The following CEP295 variants were observed in gnomAD, a reference collection of about 807,000 sequenced individuals.
CEP295 encodes centrosomal protein 295, also known as centrosomal protein of 295 kDa.
CEP295 carries 190 observed loss-of-function variants against 291.6 expected under a neutral mutation model. That is an observed-to-expected ratio of 0.65 (90% CI 0.58 to 0.73). The LOEUF is 0.73. Among genes scored for constraint, CEP295 ranks in the 30% least tolerant of loss-of-function variants. The pLI is 0.00. For synonymous variants in CEP295, 993 were observed against 1,038.8 expected, an observed-to-expected ratio of 0.96 and a Z score of 0.85; for missense variants, 2,863 against 2,949.4, an observed-to-expected ratio of 0.97 and a Z score of 0.68.
Position 93,698,265 on chromosome 11 carries a change from C to G in CEP295, c.3353C>G (p.Ala1118Gly). ...GTTGCTTCACAAGCTTCTGCTAAAG[C>G]TGAGCCTAGGAGAATTCAGGAGCTT... ...HSVASQASAK[A>G]EPRRIQELYL... The change falls in exon 15 of 30, where the codon GCT becomes GGT. Residue 1118 changes from alanine (A) to glycine (G), a missense_variant. By Grantham distance (60) the Ala-to-Gly change is moderately conservative. Transcript: ENST00000325212. 6.4e-7 allele frequency: 1 copy of G among 1,551,802 alleles called. No homozygotes were observed. Among genetic ancestry groups the G allele is most frequent in the South Asian group, 1.2e-5 (1 of 84,060 alleles).
intron 13 of CEP295, among the ~76,000 whole-genome samples, chr11:93,695,969 C>G (rs752069353): frequency 5.3e-5 from 8 of 151,892 alleles, no homozygotes; most frequent in Admixed American, 5.2e-4. Context: ...GATTCCATCT[C>G]AAAAAAATAA....
intron 10 of CEP295, among the ~76,000 whole-genome samples, chr11:93,690,102 G>A (rs1022144063): frequency 6.6e-6 from 1 of 152,152 alleles, no homozygotes; most frequent in Non-Finnish European, 1.5e-5. Flanking sequence ...TAGTCAATCC[G>A]TGACCAAGTT....
At position 93,697,974 on chromosome 11, in the gene CEP295, A is replaced by G. The variant is rs781654154; in HGVS notation, c.3062A>G (p.His1021Arg). The change falls in exon 15 of 30, where the codon CAT becomes CGT. Residue 1021 changes from histidine to arginine, a missense_variant. This residue lies in a region of CEP295 where 2,295 missense variants were observed against 2,335.7 expected (regional missense o/e 0.98). Coordinates refer to ENST00000325212, the MANE Select transcript of CEP295 (RefSeq NM_033395.2). ...AAATCTGGAAAAATACAGGAGCAAC[A>G]TTCATCTAAGAGCGAGAAAGGACTT... is the stretch of plus-strand genomic sequence containing the variant. ...DTKSGKIQEQ[H>R]SSKSEKGLVS... is the part of the protein sequence containing the mutation. 23 of 1,551,572 alleles carry G rather than the reference A, an allele frequency of 1.5e-5. No individual in the cohort carries two copies. The highest frequency in any genetic ancestry group is 2.0e-5 in the Non-Finnish European group (23 of 1,146,972).
At chr11:93,719,096 A>G (rs898787290) in intron 18 of CEP295, among the ~76,000 whole-genome samples, 1 of 73,442 alleles carries the variant, frequency 1.4e-5, no homozygotes, top group East Asian at 4.2e-4. Context: ...TGACAGTGAG[A>G]CTCCGTCTCA....
Position 93,699,669 on chromosome 11 carries a change from A to G in CEP295, c.4757A>G (p.Gln1586Arg). 2 of 1,551,558 alleles carry G rather than the reference A, an allele frequency of 1.3e-6. No homozygotes were observed. The highest frequency in any genetic ancestry group is 2.7e-5 in the African/African-American group (2 of 73,192). The change falls in exon 15 of 30, where the codon CAG (glutamine) becomes CGG (arginine). Residue 1586 changes from glutamine to arginine, a missense_variant. Physicochemically the swap from Gln to Arg is conservative, Grantham distance 43. Coordinates refer to ENST00000325212, the MANE Select transcript of CEP295 (RefSeq NM_033395.2). The part of the protein sequence containing the change: ...PSSHREIPRL[Q>R]DRLLSLSKPI... The stretch of plus-strand genomic sequence containing the variant: ...AGTCATCGTGAGATTCCAAGATTAC[A>G]GGATAGACTTTTGAGTTTATCAAAG...
Position 93,722,037 on chromosome 11 carries a change from C to T in CEP295, c.5934C>T (p.Ser1978=). 6.5e-7 allele frequency: 1 copy of T among 1,547,750 alleles called. No individual in the cohort carries two copies. The highest frequency in any genetic ancestry group is 8.8e-7 in the Non-Finnish European group (1 of 1,140,790). The part of the protein sequence containing the change: ...SLLSYENTDL[S]LTDPESFSEH... ...TAAGTTATGAAAACACAGATTTGAG[C>T]CTTACAGATCCAGGTAATAAGGTCA... Residue 1978 remains serine, a synonymous_variant, in exon 20 of 30, where the codon AGC becomes AGT. Transcript: ENST00000325212.
At chr11:93,677,260 T>C (rs1462381554) in intron 6 of CEP295, among the ~76,000 whole-genome samples, 1 of 152,118 alleles carries the variant, frequency 6.6e-6, no homozygotes, top group Non-Finnish European at 1.5e-5. Context: ...AGGTATCATA[T>C]AAAAAATATT....
intron 15 of CEP295, 22 bp downstream of exon 15, chr11:93,700,208 T>G (rs771116592): frequency 6.7e-7 from 1 of 1,502,550 alleles, no homozygotes; most frequent in East Asian, 2.5e-5. Context: ...ACCTGAATAA[T>G]AATGAAACAC....
At chr11:93,700,320 A>C (rs1342987117) in intron 15 of CEP295, 134 bp downstream of exon 15, 1 of 826,084 alleles carries the variant, frequency 1.2e-6, no homozygotes, top group Non-Finnish European at 1.8e-6. Context: ...TTTTCACCCT[A>C]AATGATGTGG....
At chr11:93,677,363 A>T (rs1418084272) in intron 6 of CEP295, among the ~76,000 whole-genome samples, 1 of 152,118 alleles carries the variant, frequency 6.6e-6, no homozygotes, top group East Asian at 1.9e-4. Context: ...AGCACATAAG[A>T]GCTGCTATTG....
intron 18 of CEP295, among the ~76,000 whole-genome samples, chr11:93,712,465 G>A (rs978493154): frequency 6.6e-6 from 1 of 151,782 alleles, no homozygotes; most frequent in African/African-American, 2.4e-5. Flanking sequence ...TGTTGGCCAG[G>A]CTGGTCTCGA....
intron 17 of CEP295, among the ~76,000 whole-genome samples, chr11:93,703,976 T>A (rs1244790801): frequency 6.6e-6 from 1 of 151,908 alleles, no homozygotes; most frequent in Non-Finnish European, 1.5e-5. Flanking sequence ...TCACCGTGTT[T>A]GCCAGGATGG....
chr11:93,693,530 C>T (rs1451067772), intron 12 of CEP295, among the ~76,000 whole-genome samples: 1 of 151,958 alleles, frequency 6.6e-6, no homozygotes, highest in Admixed American at 6.5e-5. Context: ...CTTAGGCGGG[C>T]GGATCACCTG....
chr11:93,718,782 C>A (rs1447000929), intron 18 of CEP295, among the ~76,000 whole-genome samples: 1 of 151,948 alleles, frequency 6.6e-6, no homozygotes, highest in Non-Finnish European at 1.5e-5. Context: ...GGTGACAGAG[C>A]AAGACCCTGT....
Position 93,698,480 on chromosome 11 carries a change from G to T in CEP295, c.3568G>T (p.Glu1190Ter). 8.4e-6 allele frequency: 13 copies of T among 1,551,978 alleles called. No homozygotes were observed. The highest frequency in any genetic ancestry group is 8.7e-6 in the Non-Finnish European group (10 of 1,147,052). Reference protein sequence around the residue: ...KEGTQEFVHTESELEKRISSE... With the variant: ...KEGTQEFVHT ...AGGAACTCAGGAATTTGTACACACA[G>T]AAAGTGAATTGGAGAAAAGAATTTC... Residue 1190 changes from glutamate (E) to a stop codon, truncating the protein, a stop_gained, in exon 15 of 30, where the codon GAA (glutamate) becomes TAA (stop). Transcript: ENST00000325212. LOFTEE classifies it high-confidence loss of function.
chr11:93,687,856 C>T lies in CEP295; in HGVS notation c.1327C>T (p.Gln443Ter). ...ASKERTLSSG[Q>*]EQVVESDTLT... The stretch of plus-strand genomic sequence containing the variant: ...CAAAGAGAGAACGTTATCCTCTGGG[C>T]AGGAACAAGGTATTTCTCTCCAAGA... The change falls in exon 10 of 30, where the codon CAG (glutamine) becomes TAG (stop). Residue 443 changes from glutamine to a stop codon, truncating the protein, a stop_gained. Coordinates refer to ENST00000325212, the MANE Select transcript of CEP295 (RefSeq NM_033395.2). LOFTEE classifies it high-confidence loss of function. 1 of 1,548,620 alleles carries T rather than the reference C, an allele frequency of 6.5e-7. No individual in the cohort carries two copies. Among genetic ancestry groups the T allele is most frequent in the South Asian group, 1.2e-5 (1 of 83,548 alleles).
chr11:93,714,057 C>T (rs1218653898), intron 18 of CEP295, among the ~76,000 whole-genome samples: 1 of 152,062 alleles, frequency 6.6e-6, no homozygotes, highest in African/African-American at 2.4e-5. Context: ...TTCTGAATTC[C>T]TTCTCTGTGT....
chr11:93,693,364 G>A (rs1037875721), intron 12 of CEP295, among the ~76,000 whole-genome samples: 7 of 152,148 alleles, frequency 4.6e-5, no homozygotes, highest in African/African-American at 9.7e-5. Context: ...CTCGAAGGAG[G>A]CTAATTATTA....
At position 93,684,062 on chromosome 11, in the gene CEP295, G is replaced by C. The variant is rs1002726636; in HGVS notation, c.1048G>C (p.Glu350Gln). 1.3e-6 allele frequency: 2 copies of C among 1,551,524 alleles called. No individual in the cohort carries two copies. Among genetic ancestry groups the C allele is most frequent in the African/African-American group, 2.7e-5 (2 of 73,002 alleles). ...DEELDLSMEQENLGAAEDLPV... is the reference protein window; with the variant it reads ...DEELDLSMEQQNLGAAEDLPV... ...AGAGCTGGACCTTTCAATGGAACAA[G>C]AAAATTTGGGTGCAGCTGAAGACCT... The change falls in exon 9 of 30, where the codon GAA (glutamate) becomes CAA (glutamine). Residue 350 changes from glutamate to glutamine, a missense_variant. Coordinates refer to ENST00000325212, the MANE Select transcript of CEP295 (RefSeq NM_033395.2).
Sources: gnomAD v4.1 joint callset for allele counts (sites outside exome capture counted in the v4.1 genomes callset) on GRCh38, gnomAD v4.1.1 for gene constraint, gnomAD v4.1.1 regional missense constraint, MANE v1.5 for transcripts, NCBI Gene and HGNC (gene_info 2026-07-23, HGNC 2026-07-21) for gene names.